The following ZNF385D variants were observed in gnomAD, a reference collection of about 807,000 sequenced individuals.
ZNF385D encodes zinc finger protein 659.
ZNF385D carries 15 observed loss-of-function variants against 35.8 expected under a neutral mutation model. The observed-to-expected ratio is 0.42, with a 90% CI of 0.28 to 0.64. ZNF385D has a LOEUF of 0.64. Among genes scored for constraint, ZNF385D ranks in the 30% least tolerant of loss-of-function variants. The probability of loss-of-function intolerance (pLI) is 0.23; values close to 1 mark genes in which losing one functional copy is unlikely to be tolerated. For missense variants in ZNF385D, 474 were observed against 494.6 expected, an observed-to-expected ratio of 0.96 and a Z score of 0.39; for synonymous variants, 212 against 186.8, an observed-to-expected ratio of 1.13 and a Z score of -1.10.
chr3:22,182,866 G>C (rs1281278577), intron 2 of ZNF385D, among the ~76,000 whole-genome samples: 1 of 151,862 alleles, frequency 6.6e-6, no homozygotes, highest in African/African-American at 2.4e-5. Flanking sequence ...TCATATGTAG[G>C]AGACTTTAGT....
At chr3:21,976,915 G>A (rs1055222207) in intron 3 of ZNF385D, among the ~76,000 whole-genome samples, 5 of 152,188 alleles carry the variant, frequency 3.3e-5, no homozygotes, top group African/African-American at 7.2e-5. Context: ...TTGAACCTGG[G>A]AGGCGGAGGT....
chr3:21,444,203 C>T (rs551160250), intron 4 of ZNF385D, among the ~76,000 whole-genome samples: 6 of 151,714 alleles, frequency 4.0e-5, no homozygotes, highest in South Asian at 2.1e-4. Context: ...CCTCAGCCTC[C>T]TGAGTAGCTG....
chr3:22,024,452 T>C (rs111595763), intron 3 of ZNF385D, among the ~76,000 whole-genome samples: 13,258 of 152,064 alleles, frequency 0.087, 615 homozygotes, highest in East Asian at 0.16. Context: ...TTTTGGGGTT[T>C]CTGGAGTTGG....
chr3:21,752,334 C>A (rs1212678541), upstream of ZNF385D, among the ~76,000 whole-genome samples: 1 of 152,056 alleles, frequency 6.6e-6, no homozygotes, highest in Non-Finnish European at 1.5e-5. Flanking sequence ...CAAATATAAA[C>A]AAAGAACTGT....
chr3:21,992,281 G>A (rs944137062), intron 3 of ZNF385D, among the ~76,000 whole-genome samples: 3 of 151,906 alleles, frequency 2.0e-5, no homozygotes, highest in African/African-American at 7.3e-5. Context: ...GTAGCTGCAG[G>A]TATCTGAAAG....
At chr3:22,263,556 A>C (rs940549246) in intron 2 of ZNF385D, among the ~76,000 whole-genome samples, 7 of 152,024 alleles carry the variant, frequency 4.6e-5, no homozygotes, top group African/African-American at 1.7e-4. Context: ...ACTTCCCTAC[A>C]AACATGTGAG....
chr3:21,936,158 G>A (rs1701246087), intron 3 of ZNF385D, among the ~76,000 whole-genome samples: 1 of 152,124 alleles, frequency 6.6e-6, no homozygotes, highest in Non-Finnish European at 1.5e-5. Context: ...GGTGATTCAA[G>A]AGCCTCAGCC....
At chr3:21,794,420 A>G (rs1479234747) in intron 3 of ZNF385D, among the ~76,000 whole-genome samples, 3 of 152,274 alleles carry the variant, frequency 2.0e-5, no homozygotes, top group African/African-American at 7.2e-5. Flanking sequence ...ACAGTGGATT[A>G]GAAAGTTTCT....
At chr3:22,083,395 G>C (rs1576288770) in intron 3 of ZNF385D, among the ~76,000 whole-genome samples, 1 of 151,616 alleles carries the variant, frequency 6.6e-6, no homozygotes, top group South Asian at 2.1e-4. Flanking sequence ...TAAATGACCT[G>C]ATGGAGCTGA....
chr3:21,634,818 C>CT (rs199974301), intron 2 of ZNF385D, among the ~76,000 whole-genome samples: 5,632 of 143,702 alleles, frequency 0.039, 186 homozygotes, highest in East Asian at 0.1. Context: ...TTGGCTTACT[C>CT]TTTTTTTTTT....
intron 3 of ZNF385D, among the ~76,000 whole-genome samples, chr3:22,066,326 G>GTGTGTGTC (rs1699947714): frequency 6.6e-6 from 1 of 151,726 alleles, no homozygotes; most frequent in African/African-American, 2.4e-5. Context: ...GTGTATGTGT[G>GTGTGTGTC]TGTATTAGTA....
chr3:22,308,122 G>C (rs1371711866), intron 2 of ZNF385D, among the ~76,000 whole-genome samples: 2 of 152,064 alleles, frequency 1.3e-5, no homozygotes, highest in African/African-American at 4.8e-5. Flanking sequence ...GTGAACTGAA[G>C]AGTGAGTGCA....
At chr3:21,949,090 T>C (rs935855889) in intron 3 of ZNF385D, among the ~76,000 whole-genome samples, 2 of 152,232 alleles carry the variant, frequency 1.3e-5, no homozygotes, top group African/African-American at 2.4e-5. Flanking sequence ...TATTGTGATA[T>C]TTAATACACT....
chr3:22,213,638 T>TA (rs1300417327), intron 2 of ZNF385D, among the ~76,000 whole-genome samples: 3 of 151,956 alleles, frequency 2.0e-5, no homozygotes, highest in South Asian at 4.2e-4. Flanking sequence ...TAACACAAGT[T>TA]AAAAAACCTC....
At chr3:22,284,045 GACA>G (rs535597752) in intron 2 of ZNF385D, among the ~76,000 whole-genome samples, 435 of 152,070 alleles carry the variant, frequency 2.9e-3, no homozygotes, top group Non-Finnish European at 4.6e-3. Flanking sequence ...ATAATTACGA[GACA>G]ACAAGAAAAT....
At chr3:21,678,134 G>T (rs1178878562) in intron 1 of ZNF385D, among the ~76,000 whole-genome samples, 1 of 152,040 alleles carries the variant, frequency 6.6e-6, no homozygotes, top group East Asian at 1.9e-4. Flanking sequence ...CTCTCTGTAA[G>T]TCTTGGAAGA....
chr3:22,037,567 C>T (rs1025290363), intron 3 of ZNF385D, among the ~76,000 whole-genome samples: 1 of 151,730 alleles, frequency 6.6e-6, no homozygotes, highest in African/African-American at 2.4e-5. Flanking sequence ...TTGTTTTTTT[C>T]TTGTAAATTT....
chr3:22,116,116 G>A (rs964170918), intron 3 of ZNF385D, among the ~76,000 whole-genome samples: 4 of 151,754 alleles, frequency 2.6e-5, no homozygotes, highest in African/African-American at 7.3e-5. Flanking sequence ...ACCATGCTAC[G>A]GTAGGATAAT....
At chr3:22,326,770 C>T (rs964067870) in intron 2 of ZNF385D, among the ~76,000 whole-genome samples, 5 of 152,100 alleles carry the variant, frequency 3.3e-5, no homozygotes, top group African/African-American at 4.8e-5. Context: ...TGATAATTTT[C>T]CCAGACTAAA....
Sources: allele counts gnomAD v4.1 joint callset (sites outside exome capture counted in the v4.1 genomes callset), GRCh38; gene constraint gnomAD v4.1.1; transcripts MANE v1.5; gene names NCBI Gene and HGNC (gene_info 2026-07-23, HGNC 2026-07-21).